Variants in RNF17 observed in about 807,000 individuals in gnomAD.
The protein encoded by RNF17 is ring finger protein 17, also known as spermatogenesis associated 23.
A neutral mutation model predicts 200.5 loss-of-function variants in RNF17; 31 were observed. The observed-to-expected ratio is 0.15, with a 90% CI of 0.12 to 0.21. The LOEUF (loss-of-function observed/expected upper bound fraction) is 0.21. Ranked by LOEUF, RNF17 falls within the 10% of genes least tolerant of loss-of-function variation. RNF17 has a pLI of 1.00. For missense variants in RNF17, 1,628 were observed against 1,905.1 expected (o/e 0.85, Z 2.71); for synonymous variants, 606 against 637.8 (o/e 0.95, Z 0.75).
intron 15 of RNF17, among the ~76,000 whole-genome samples, chr13:24,815,207 T>G (rs1337426463): frequency 6.6e-6 from 1 of 152,336 alleles, no homozygotes; most frequent in Non-Finnish European, 1.5e-5. Flanking sequence ...TAGATCTTAT[T>G]TAATATCTTT....
downstream of RNF17, chr13:24,882,430 T>TAAGTG (rs1307426971): frequency 6.6e-6 from 1 of 152,082 alleles, no homozygotes; most frequent in Non-Finnish European, 1.5e-5. Flanking sequence ...AGTAAGTAAG[T>TAAGTG]AAGTGACTTG....
At chr13:24,874,807 GTTA>G (rs1246838963) in intron 33 of RNF17, among the ~76,000 whole-genome samples, 3 of 152,108 alleles carry the variant, frequency 2.0e-5, no homozygotes, top group African/African-American at 7.2e-5. Flanking sequence ...GAACAATTTT[GTTA>G]TTCCAAACAG....
At chr13:24,792,720 G>A (rs61948149) in intron 9 of RNF17, among the ~76,000 whole-genome samples, 9,580 of 152,232 alleles carry the variant, frequency 0.063, 421 homozygotes, top group Non-Finnish European at 0.095. Context: ...TATTTCCACA[G>A]TGGCTTCTTA....
At chr13:24,843,373 T>C (rs2044446) in intron 19 of RNF17, among the ~76,000 whole-genome samples, 149,467 of 152,128 alleles carry the variant, frequency 0.98, 73,467 homozygotes, top group Middle Eastern at 1. Context: ...AAAAAATTAG[T>C]GGGGCATGGT....
intron 14 of RNF17, chr13:24,803,993 C>T (rs1319773608): frequency 3.4e-6 from 1 of 293,430 alleles, no homozygotes; most frequent in Non-Finnish European, 6.4e-6. Context: ...ATGGCTTGGC[C>T]AGGTATGGTG....
At chr13:24,763,204 CTT>C (rs11329776), upstream of RNF17, among the ~76,000 whole-genome samples, 119 of 129,150 alleles carry the variant, frequency 9.2e-4, no homozygotes, top group East Asian at 1.1e-3. Flanking sequence ...TGCTTCAACT[CTT>C]TTTTTTTTTT....
At chr13:24,772,507 G>A (rs1445639665) in intron 2 of RNF17, among the ~76,000 whole-genome samples, 1 of 143,590 alleles carries the variant, frequency 7.0e-6, no homozygotes. Flanking sequence ...TTTACTTACA[G>A]CTTATAGTTT....
intron 16 of RNF17, among the ~76,000 whole-genome samples, chr13:24,828,962 C>T (rs1285205235): frequency 2.0e-5 from 3 of 151,644 alleles, no homozygotes; most frequent in Admixed American, 2.0e-4. Flanking sequence ...GCACTTGCCA[C>T]CACGCCTGGC....
intron 20 of RNF17, 114 bp downstream of exon 20, chr13:24,844,085 A>T: frequency 2.6e-6 from 1 of 380,312 alleles, no homozygotes; most frequent in East Asian, 4.3e-5. Flanking sequence ...AATTATTTTA[A>T]CTAAGTAGTC....
At chr13:24,854,186 G>T in intron 25 of RNF17, 42 bp downstream of exon 25, 1 of 1,436,544 alleles carries the variant, frequency 7.0e-7, no homozygotes, top group South Asian at 1.3e-5. Context: ...TCTCTAGTAC[G>T]AACGACAGGG....
At chr13:24,751,805 A>G in the RNF17 span, 1 of 152,062 alleles carries the variant, frequency 6.6e-6, no homozygotes, top group African/African-American at 2.4e-5. Flanking sequence ...TATGTTGCAA[A>G]ATTTGTTGTT....
intron 15 of RNF17, among the ~76,000 whole-genome samples, chr13:24,818,242 A>G (rs1378895924): frequency 6.6e-6 from 1 of 151,998 alleles, no homozygotes; most frequent in Admixed American, 6.6e-5. Flanking sequence ...AGACAAATAC[A>G]TTTTATGATT....
chr13:24,859,843 C>A (rs1446340172), intron 26 of RNF17, among the ~76,000 whole-genome samples: 1 of 151,998 alleles, frequency 6.6e-6, no homozygotes, highest in Non-Finnish European at 1.5e-5. Context: ...TAGCTTCCTT[C>A]ACATATATGC....
chr13:24,849,292 A>G (rs1891590265), intron 22 of RNF17, among the ~76,000 whole-genome samples: 1 of 152,204 alleles, frequency 6.6e-6, no homozygotes, highest in Admixed American at 6.5e-5. Flanking sequence ...TGTGTTACCA[A>G]TTCTTTATTC....
chr13:24,835,962 A>G (rs1173950055), intron 18 of RNF17, among the ~76,000 whole-genome samples: 2 of 152,222 alleles, frequency 1.3e-5, no homozygotes, highest in Non-Finnish European at 2.9e-5. Context: ...GCTTAAAACA[A>G]TCAAAAATTG....
chr13:24,886,777 C>G, the RNF17 span, among the ~76,000 whole-genome samples: 76 of 152,288 alleles, frequency 5.0e-4, 1 homozygote, highest in African/African-American at 1.7e-3. Context: ...CATTTTATGG[C>G]AAGAAAACCA....
intron 28 of RNF17, among the ~76,000 whole-genome samples, 165 bp downstream of exon 28, chr13:24,862,958 A>G (rs925178470): frequency 6.6e-6 from 1 of 152,248 alleles, no homozygotes; most frequent in Non-Finnish European, 1.5e-5. Flanking sequence ...GCCTGCTTTA[A>G]ATAAGCCTGC....
intron 31 of RNF17, among the ~76,000 whole-genome samples, chr13:24,869,078 A>G (rs1030178647): frequency 2.0e-5 from 3 of 151,592 alleles, no homozygotes; most frequent in Admixed American, 6.6e-5. Flanking sequence ...ACCGTGTTCC[A>G]CTTACTATGT....
At chr13:24,847,285 A>G (rs957818201) in intron 22 of RNF17, among the ~76,000 whole-genome samples, 1 of 152,132 alleles carries the variant, frequency 6.6e-6, no homozygotes, top group Non-Finnish European at 1.5e-5. Flanking sequence ...AAAGTTATCT[A>G]TATAAATCTA....
Sources: gnomAD v4.1 joint callset for allele counts (sites outside exome capture counted in the v4.1 genomes callset) on GRCh38, gnomAD v4.1.1 for gene constraint, MANE v1.5 for transcripts, NCBI Gene and HGNC (gene_info 2026-07-23, HGNC 2026-07-21) for gene names.